ADAMTSL1: variants seen among roughly 807,000 people sequenced by gnomAD.
ADAMTSL1 encodes ADAMTS like 1.
ADAMTSL1 carries 126 observed loss-of-function variants against 201.8 expected under a neutral mutation model. The ratio of observed to expected loss-of-function variants is 0.62; its 90% CI spans 0.54 to 0.72. ADAMTSL1 has a LOEUF of 0.72. Ranked by LOEUF, ADAMTSL1 falls within the 30% of genes least tolerant of loss-of-function variation. ADAMTSL1 has a pLI of 0.00. For synonymous variants in ADAMTSL1, 1,121 were observed against 903.4 expected, an observed-to-expected ratio of 1.24 and a Z score of -4.32; for missense variants, 2,679 against 2,277.8, an observed-to-expected ratio of 1.18 and a Z score of -3.59.
At chr9:18,773,337 G>T (rs1820798690) in intron 17 of ADAMTSL1, among the ~76,000 whole-genome samples, 1 of 152,116 alleles carries the variant, frequency 6.6e-6, no homozygotes, top group Non-Finnish European at 1.5e-5. Flanking sequence ...TCAATCTCCT[G>T]AAAGAGTTTG....
chr9:18,443,652 G>T (rs1431426766), intron 2 of ADAMTSL1, among the ~76,000 whole-genome samples: 1 of 152,162 alleles, frequency 6.6e-6, no homozygotes, highest in Non-Finnish European at 1.5e-5. Context: ...TGAAAGTTTG[G>T]ATACTTTGCA....
intron 16 of ADAMTSL1, among the ~76,000 whole-genome samples, chr9:18,754,232 C>A (rs1237412541): frequency 3.3e-5 from 5 of 152,180 alleles, no homozygotes; most frequent in Admixed American, 3.3e-4. Flanking sequence ...CCTTTACAAA[C>A]AAAATTTCTG....
At chr9:18,775,042 CTTG>C (rs939027524) in intron 17 of ADAMTSL1, among the ~76,000 whole-genome samples, 3 of 128,682 alleles carry the variant, frequency 2.3e-5, no homozygotes, top group African/African-American at 5.1e-5. Context: ...CTCACCAACA[CTTG>C]TTGTCTTTTT....
chr9:18,629,775 G>A (rs527476921), intron 5 of ADAMTSL1, among the ~76,000 whole-genome samples: 6 of 152,184 alleles, frequency 3.9e-5, no homozygotes, highest in African/African-American at 1.4e-4. Flanking sequence ...GTAATTGCTT[G>A]TCTTCTTTTT....
intron 16 of ADAMTSL1, among the ~76,000 whole-genome samples, chr9:18,769,777 G>C (rs758441056): frequency 2.0e-5 from 3 of 152,164 alleles, no homozygotes; most frequent in Non-Finnish European, 4.4e-5. Context: ...GGCTGTGTCT[G>C]TCTTCAAGGG....
At chr9:18,806,657 C>A (rs952220939) in intron 20 of ADAMTSL1, among the ~76,000 whole-genome samples, 3 of 152,178 alleles carry the variant, frequency 2.0e-5, no homozygotes, top group Admixed American at 6.5e-5. Flanking sequence ...TTTTTTCCCA[C>A]TGAATTTTGA....
intron 1 of ADAMTSL1, among the ~76,000 whole-genome samples, chr9:18,060,328 A>G (rs1323458239): frequency 6.6e-6 from 1 of 152,164 alleles, no homozygotes; most frequent in African/African-American, 2.4e-5. Flanking sequence ...TGTTTGTTGC[A>G]GGTTTGTTCA....
At chr9:18,152,119 C>T (rs865940700) in intron 1 of ADAMTSL1, among the ~76,000 whole-genome samples, 3 of 152,014 alleles carry the variant, frequency 2.0e-5, no homozygotes, top group Non-Finnish European at 2.9e-5. Context: ...ACATGAAGGA[C>T]CTAAGATTCA....
At chr9:18,222,552 T>G (rs1216166091) in intron 2 of ADAMTSL1, among the ~76,000 whole-genome samples, 2 of 151,852 alleles carry the variant, frequency 1.3e-5, no homozygotes, top group Non-Finnish European at 2.9e-5. Flanking sequence ...TGTTTAGGAT[T>G]TTAGTCCTAC....
chr9:18,501,781 C>A (rs1024354810), intron 1 of ADAMTSL1, among the ~76,000 whole-genome samples: 2 of 152,104 alleles, frequency 1.3e-5, no homozygotes, highest in Non-Finnish European at 2.9e-5. Context: ...TAAAAGAAAA[C>A]TTAGAGTTTG....
intron 2 of ADAMTSL1, among the ~76,000 whole-genome samples, chr9:18,349,228 T>C (rs905334645): frequency 1.3e-5 from 2 of 152,178 alleles, no homozygotes; most frequent in Non-Finnish European, 2.9e-5. Context: ...TGGATTGTTA[T>C]CGCTCTCATA....
rs557884550 is a variant in ADAMTSL1, at chr9:18,690,813, A to G, written c.1574+6013A>G. ...CCTCTTCCCTATTCTCTGCAGCAGC[A>G]AAGTGCTTAATATAATTTCTTGGGC... On this transcript the variant is annotated intron_variant, in intron 13 of 28. Coordinates refer to ENST00000380548, the MANE Select transcript of ADAMTSL1 (RefSeq NM_001040272.6). Among the ~76,000 whole-genome samples the G allele has an allele frequency of 9.8e-5, 15 of 152,312 alleles. No homozygotes were observed. In the East Asian group the frequency reaches 2.9e-3, roughly 29 times the overall value.
At chr9:17,984,204 C>T (rs867957167) in intron 1 of ADAMTSL1, among the ~76,000 whole-genome samples, 5 of 151,726 alleles carry the variant, frequency 3.3e-5, no homozygotes, top group Non-Finnish European at 5.9e-5. Flanking sequence ...AGAATTTTTC[C>T]TAATTAAAAA....
intron 1 of ADAMTSL1, among the ~76,000 whole-genome samples, chr9:17,929,338 C>G (rs930553201): frequency 1.3e-5 from 2 of 152,058 alleles, no homozygotes; most frequent in African/African-American, 2.4e-5. Flanking sequence ...CCCATGAAAT[C>G]TTAACACAAT....
rs1179113085 is a variant in ADAMTSL1 at position 18,025,105 on chromosome 9, A to G, written c.87+118183A>G. 1.3e-5 allele frequency among the ~76,000 whole-genome samples: 2 copies of G among 151,662 alleles called. 1 individual carries two copies. The highest frequency in any genetic ancestry group is 4.2e-4 in the South Asian group (2 of 4,816). On this transcript the variant is annotated intron_variant, in intron 1 of 29. Coordinates refer to the ADAMTSL1 transcript ENST00000680146. Reference sequence around the variant, plus strand: ...GTTCATTTCCTTCGCCTACTTTTTAATTGGGTTTTTTTGCTTGCTGAATTG... The same window carrying G: ...GTTCATTTCCTTCGCCTACTTTTTAGTTGGGTTTTTTTGCTTGCTGAATTG...
At chr9:18,043,499 G>A (rs1339364035) in intron 1 of ADAMTSL1, among the ~76,000 whole-genome samples, 1 of 152,054 alleles carries the variant, frequency 6.6e-6, no homozygotes, top group Non-Finnish European at 1.5e-5. Context: ...ACAAGTTATT[G>A]CAGTTCATTG....
intron 1 of ADAMTSL1, among the ~76,000 whole-genome samples, chr9:18,486,823 T>C (rs916453327): frequency 1.3e-5 from 2 of 152,236 alleles, no homozygotes; most frequent in Non-Finnish European, 2.9e-5. Flanking sequence ...TATTGTTGTC[T>C]GAGGCTGTAG....
At chr9:18,104,242 C>T (rs1056281732) in intron 1 of ADAMTSL1, among the ~76,000 whole-genome samples, 7 of 152,128 alleles carry the variant, frequency 4.6e-5, no homozygotes, top group Admixed American at 2.6e-4. Flanking sequence ...AATGATCTTA[C>T]GTGATATACC....
chr9:18,721,248 C>A (rs924131517), intron 14 of ADAMTSL1, among the ~76,000 whole-genome samples: 15 of 152,194 alleles, frequency 9.9e-5, no homozygotes, highest in Non-Finnish European at 1.9e-4. Flanking sequence ...AGCCTCGTGG[C>A]ATTTTTTTAA....
Sources: allele counts gnomAD v4.1 joint callset (sites outside exome capture counted in the v4.1 genomes callset), GRCh38; gene constraint gnomAD v4.1.1; transcripts MANE v1.5; gene names NCBI Gene and HGNC (gene_info 2026-07-23, HGNC 2026-07-21).